CCDC124: variants seen among roughly 807,000 people sequenced by gnomAD.
CCDC124 encodes coiled-coil domain containing 124, also known as coiled-coil domain-containing protein 124.
A neutral mutation model predicts 19.8 loss-of-function variants in CCDC124; 9 were observed. The ratio of observed to expected loss-of-function variants is 0.45; its 90% CI spans 0.27 to 0.79. The LOEUF is 0.79. Ranked by LOEUF, CCDC124 falls within the 30% of genes least tolerant of loss-of-function variation. The pLI is 0.14. For synonymous variants in CCDC124, 126 were observed against 131.3 expected (o/e 0.96, Z 0.27); for missense variants, 285 against 319.0 (o/e 0.89, Z 0.81).
intron 2 of CCDC124, among the ~76,000 whole-genome samples, chr19:17,937,540 GGA>G (rs946386333): frequency 1.5e-4 from 23 of 152,228 alleles, no homozygotes; most frequent in Admixed American, 1.2e-3. Flanking sequence ...CATAACTCGG[GGA>G]GAGGGGGTGT....
At chr19:17,941,949 C>T (rs942709643) in intron 2 of CCDC124, among the ~76,000 whole-genome samples, 4 of 152,122 alleles carry the variant, frequency 2.6e-5, no homozygotes, top group Non-Finnish European at 4.4e-5. Context: ...AGAGTACTGC[C>T]CTGAGCTTCC....
Position 17,943,636 on chromosome 19 carries a change from A to G in CCDC124, c.593A>G (p.Gln198Arg). ...NPNMRLSQLK[Q>R]LLKKEWLRSP... ...AACATGCGGCTGTCGCAGCTGAAAC[A>G]GCTGCTCAAGAAGGAGTGGCTCCGC... The change falls in exon 5 of 5, where the codon CAG (glutamine) becomes CGG (arginine). Residue 198 changes from glutamine (Q) to arginine (R), a missense_variant. Coordinates refer to ENST00000445755, the MANE Select transcript of CCDC124 (RefSeq NM_001136203.2). The G allele has an allele frequency of 6.2e-7, 1 of 1,612,936 alleles. No homozygotes were observed. Among genetic ancestry groups the G allele is most frequent in the South Asian group, 1.1e-5 (1 of 91,076 alleles).
chr19:17,938,764 G>A (rs547726010), intron 2 of CCDC124, among the ~76,000 whole-genome samples: 2 of 152,134 alleles, frequency 1.3e-5, no homozygotes, highest in East Asian at 3.9e-4. Context: ...GCTATTGTTT[G>A]TATTTTGTGT....
intron 2 of CCDC124, among the ~76,000 whole-genome samples, chr19:17,940,563 G>C (rs950617825): frequency 6.6e-6 from 1 of 151,854 alleles, no homozygotes; most frequent in Non-Finnish European, 1.5e-5. Context: ...TCAGGCGTTC[G>C]AGACCAGCCT....
intron 2 of CCDC124, among the ~76,000 whole-genome samples, chr19:17,937,240 C>T (rs996547981): frequency 8.6e-5 from 13 of 150,754 alleles, no homozygotes; most frequent in African/African-American, 3.0e-4. Flanking sequence ...GAGATTGTGC[C>T]GTTGCACTCC....
At chr19:17,937,340 G>A (rs10417226) in intron 2 of CCDC124, among the ~76,000 whole-genome samples, 45,751 of 151,976 alleles carry the variant, frequency 0.3, 7,586 homozygotes, top group East Asian at 0.46. Context: ...GGGAGGCAGA[G>A]GAAATGGTGT....
chr19:17,934,277 T>C (rs1032385387), intron 1 of CCDC124, among the ~76,000 whole-genome samples: 3 of 149,360 alleles, frequency 2.0e-5, no homozygotes, highest in African/African-American at 7.7e-5. Flanking sequence ...TCCTAGCTGC[T>C]TGGGAGGCTG....
chr19:17,938,779 G>A (rs150106744), intron 2 of CCDC124, among the ~76,000 whole-genome samples: 18 of 151,964 alleles, frequency 1.2e-4, no homozygotes, highest in African/African-American at 3.6e-4. Context: ...TTGTGTAGGG[G>A]GTGGGGGTCA....
chr19:17,943,035 T>C (rs919692837), intron 3 of CCDC124, among the ~76,000 whole-genome samples, 190 bp downstream of exon 3: 10 of 151,738 alleles, frequency 6.6e-5, no homozygotes, highest in Admixed American at 6.6e-4. Flanking sequence ...CCCCGCGGGG[T>C]CCTCTTGTTT....
chr19:17,942,037 G>A lies in CCDC124; in HGVS notation c.160-619G>A, dbSNP rs1057507815. On this transcript the variant is annotated intron_variant, in intron 2 of 4. Transcript: ENST00000445755. The surrounding 1 kb of genome is among the most constrained non-coding windows in gnomAD (Gnocchi z 4.2). ...GGCCAGGGCAAGGGCAAGTCCCGTA[G>A]CCCAGATGTCCCTCATCCAGCCAGC... Among the ~76,000 whole-genome samples the A allele has an allele frequency of 2.0e-5, 3 of 152,118 alleles. No individual in the cohort carries two copies. Among genetic ancestry groups the A allele is most frequent in the African/African-American group, 4.8e-5 (2 of 41,406 alleles).
rs749220204 is a variant in CCDC124 at position 17,943,292 on chromosome 19, G to C, written c.381G>C (p.Pro127=). Residue 127 remains proline (P), a synonymous_variant, in exon 4 of 5, where the codon CCG becomes CCC. Coordinates refer to ENST00000445755, the MANE Select transcript of CCDC124 (RefSeq NM_001136203.2). ...AEKAKSHLEV[P]LEENVNRRVL... is the part of the protein sequence containing the mutation. ...AAGCCAAGAGCCATCTGGAGGTGCCGCTGGAGGAGAACGTGAACCGCCGCG... is the reference window on the plus strand; with the variant it reads ...AAGCCAAGAGCCATCTGGAGGTGCCCCTGGAGGAGAACGTGAACCGCCGCG... 1.3e-6 allele frequency: 2 copies of C among 1,571,596 alleles called. No individual in the cohort carries two copies. The highest frequency in any genetic ancestry group is 1.2e-5 in the South Asian group (1 of 86,946).
chr19:17,937,405 C>T (rs529031234), intron 2 of CCDC124, among the ~76,000 whole-genome samples: 1 of 152,200 alleles, frequency 6.6e-6, no homozygotes, highest in African/African-American at 2.4e-5. Context: ...GTGAGGCTGT[C>T]ATTGCTCTCT....
chr19:17,943,244 C>CT lies in CCDC124; in HGVS notation c.350-17_350-16insT. ...TGCTTATCTCTCTCTGTCTCTGTCA[C>CT]CCACCCACCCGCCCAGCCGAGAAAG... is the stretch of plus-strand genomic sequence containing the variant. On this transcript the variant is annotated splice_polypyrimidine_tract_variant and intron_variant, in intron 3 of 4. Transcript: ENST00000445755. 6.6e-5 allele frequency: 26 copies of CT among 392,332 alleles called. No individual in the cohort carries two copies. Among genetic ancestry groups the CT allele is most frequent in the Admixed American group, 2.5e-4 (8 of 32,464 alleles). 24.3% of individuals were successfully genotyped at this position (392,332 alleles called of 1,614,324 possible). A position where few individuals can be genotyped will look rare whatever the true frequency, so the allele number is the denominator to read the frequency against.
intron 2 of CCDC124, among the ~76,000 whole-genome samples, chr19:17,939,632 T>TTTTTTTTTGAGGCAGAG (rs2031134148): frequency 6.6e-6 from 1 of 151,658 alleles, no homozygotes; most frequent in Admixed American, 6.6e-5. Flanking sequence ...TAAGAGGCTT[T>TTTTTTTTTGAGGCAGAG]TTTTTTTTGA....
In CCDC124 at chr19:17,943,241, T is replaced by TCGGGGGGGGGCCCCCCCC; in HGVS notation, c.350-19_350-18insGGGGGGGGGCCCCCCCCC. 5 of 736,678 alleles carry TCGGGGGGGGGCCCCCCCC rather than the reference T, an allele frequency of 6.8e-6. No homozygotes were observed. Among genetic ancestry groups the TCGGGGGGGGGCCCCCCCC allele is most frequent in the East Asian group, 2.7e-5 (1 of 37,086 alleles). 45.6% of individuals were successfully genotyped at this position (736,678 alleles called of 1,614,324 possible). A position where few individuals can be genotyped will look rare whatever the true frequency, so the allele number is the denominator to read the frequency against. ...CTTTGCTTATCTCTCTCTGTCTCTG[T>TCGGGGGGGGGCCCCCCCC]CACCCACCCACCCGCCCAGCCGAGA... On this transcript the variant is annotated intron_variant, in intron 3 of 4. Coordinates refer to ENST00000445755, the MANE Select transcript of CCDC124 (RefSeq NM_001136203.2).
rs776904284 is a variant in CCDC124 at position 17,936,413 on chromosome 19, G to A, written c.-8G>A. The A allele has an allele frequency of 6.2e-7, 1 of 1,608,554 alleles. No homozygotes were observed. The highest frequency in any genetic ancestry group is 1.1e-5 in the South Asian group (1 of 90,806). ...CATCCCCATCCTCTTCCCGCAGCCTGCTGAGGGATGCCCAAGAAGTTCCAG... is the reference window on the plus strand; with the variant it reads ...CATCCCCATCCTCTTCCCGCAGCCTACTGAGGGATGCCCAAGAAGTTCCAG... On this transcript the variant is annotated 5_prime_UTR_variant, in exon 2 of 5. Transcript: ENST00000445755.
rs201120336 is a variant in CCDC124 at position 17,934,390 on chromosome 19, C to CA, written c.-12+1350dup. Among the ~76,000 whole-genome samples the CA allele has an allele frequency of 8.6e-3, 1,277 of 148,572 alleles. 10 individuals are homozygous for CA. The highest frequency in any genetic ancestry group is 0.024 in the African/African-American group (944 of 39,960). ...GAAAGAGCAAAACTCCGTCTCAAAA[C>CA]AAAAAAAAGCCCCAACGTGGAAACA... On this transcript the variant is annotated intron_variant, in intron 1 of 4. Transcript: ENST00000445755.
intron 2 of CCDC124, among the ~76,000 whole-genome samples, chr19:17,937,241 G>A (rs1029091092): frequency 3.3e-5 from 5 of 150,740 alleles, no homozygotes; most frequent in African/African-American, 7.5e-5. Flanking sequence ...AGATTGTGCC[G>A]TTGCACTCCA....
At chr19:17,938,980 C>T (rs1165928310) in intron 2 of CCDC124, among the ~76,000 whole-genome samples, 3 of 152,160 alleles carry the variant, frequency 2.0e-5, no homozygotes, top group Non-Finnish European at 4.4e-5. Context: ...CAGCCCCACC[C>T]CTACCCACCC....
Sources: allele counts gnomAD v4.1 joint callset (sites outside exome capture counted in the v4.1 genomes callset), GRCh38; gene constraint gnomAD v4.1.1; non-coding constraint Gnocchi (gnomAD v3.1); transcripts MANE v1.5; gene names NCBI Gene and HGNC (gene_info 2026-07-23, HGNC 2026-07-21).